Variants in PRKCA observed in about 807,000 individuals in gnomAD.
The protein encoded by PRKCA is protein kinase C alpha type.
PRKCA carries 27 observed loss-of-function variants against 87.0 expected under a neutral mutation model. That is an observed-to-expected ratio of 0.31 (90% CI 0.23 to 0.43). PRKCA has a LOEUF of 0.43. Ranked by LOEUF, PRKCA falls within the 20% of genes least tolerant of loss-of-function variation. PRKCA has a pLI of 1.00. For synonymous variants in PRKCA, 329 were observed against 311.1 expected, an observed-to-expected ratio of 1.06 and a Z score of -0.61; for missense variants, 518 against 852.3, an observed-to-expected ratio of 0.61 and a Z score of 4.88.
intron 3 of PRKCA, among the ~76,000 whole-genome samples, chr17:66,565,036 G>A (rs1968844306): frequency 1.3e-5 from 2 of 152,136 alleles, no homozygotes; most frequent in African/African-American, 4.8e-5. Flanking sequence ...AGTGGCCCAG[G>A]AAAGACAAAG....
intron 2 of PRKCA, among the ~76,000 whole-genome samples, chr17:66,335,965 C>T (rs962919923): frequency 6.6e-6 from 1 of 152,276 alleles, no homozygotes. Context: ...ACACTTCCAC[C>T]AGCAGTGTAT....
chr17:66,643,923 A>G (rs921460399), intron 4 of PRKCA, among the ~76,000 whole-genome samples: 2 of 152,232 alleles, frequency 1.3e-5, no homozygotes, highest in African/African-American at 4.8e-5. Context: ...AGAGCAAATC[A>G]GCTTCCCAAG....
At position 66,521,831 on chromosome 17, in the gene PRKCA, T is replaced by C. The variant is rs565912736; in HGVS notation, c.288+25548T>C. 2.0e-5 allele frequency among the ~76,000 whole-genome samples: 3 copies of C among 152,328 alleles called. No individual in the cohort carries two copies. The South Asian group carries it at 6.2e-4, about 32-fold the overall frequency. On this transcript the variant is annotated intron_variant, in intron 3 of 16. Transcript: ENST00000413366. Reference sequence around the variant, plus strand: ...GAAAATACGGTCAAGAATTGTTGTATTTCTTGACTCCTTGAAAGGCAAGAA... The same window carrying C: ...GAAAATACGGTCAAGAATTGTTGTACTTCTTGACTCCTTGAAAGGCAAGAA...
chr17:66,584,276 C>CAAT (rs1555622871), intron 3 of PRKCA, among the ~76,000 whole-genome samples: 2 of 151,810 alleles, frequency 1.3e-5, no homozygotes, highest in Non-Finnish European at 2.9e-5. Flanking sequence ...GGCTGGAGTG[C>CAAT]AGTGGCTTGA....
Position 66,406,339 on chromosome 17 carries a change from G to T in PRKCA, c.206-89862G>T, listed in dbSNP as rs536551262. On this transcript the variant is annotated intron_variant, in intron 2 of 16. Coordinates refer to ENST00000413366, the MANE Select transcript of PRKCA (RefSeq NM_002737.3). ...CTTGCTCTAAAAAGAAAGTTTCATT[G>T]GATGCTCTTAAAGTTCTTTATAAAA... is the stretch of plus-strand genomic sequence containing the variant. 1.3e-3 allele frequency among the ~76,000 whole-genome samples: 195 copies of T among 152,186 alleles called. 1 individual carries two copies. The highest frequency in any genetic ancestry group is 4.3e-3 in the African/African-American group (177 of 41,542).
chr17:66,657,685 G>T (rs772356280), intron 5 of PRKCA, among the ~76,000 whole-genome samples: 5 of 152,152 alleles, frequency 3.3e-5, no homozygotes, highest in Non-Finnish European at 5.9e-5. Context: ...AAAAGAGCAA[G>T]TGTATGTGCA....
intron 5 of PRKCA, among the ~76,000 whole-genome samples, chr17:66,661,382 A>G (rs1285868575): frequency 6.6e-6 from 1 of 152,234 alleles, no homozygotes; most frequent in African/African-American, 2.4e-5. Flanking sequence ...CAACACTGCC[A>G]TGAAACGTGA....
chr17:66,318,527 C>T (rs149525055), intron 2 of PRKCA, among the ~76,000 whole-genome samples: 67 of 152,038 alleles, frequency 4.4e-4, no homozygotes, highest in African/African-American at 1.4e-3. Flanking sequence ...GCTGAGTTGT[C>T]GGGCTGGAGC....
intron 13 of PRKCA, among the ~76,000 whole-genome samples, chr17:66,748,856 AAAG>A (rs1974362137): frequency 6.6e-6 from 1 of 151,982 alleles, no homozygotes; most frequent in Admixed American, 6.6e-5. Context: ...AGGGAGGGAG[AAAG>A]AAGGAATGGG....
At chr17:66,395,105 T>C (rs1910588643) in intron 2 of PRKCA, among the ~76,000 whole-genome samples, 1 of 152,158 alleles carries the variant, frequency 6.6e-6, no homozygotes, top group South Asian at 2.1e-4. Context: ...AGTTCTTCTC[T>C]CACTATGATT....
chr17:66,555,744 G>A (rs1307513445), intron 3 of PRKCA, among the ~76,000 whole-genome samples: 2 of 151,708 alleles, frequency 1.3e-5, no homozygotes, highest in African/African-American at 4.8e-5. Context: ...TTTTTTTATT[G>A]CTGAGACTTC....
chr17:66,334,594 G>C (rs75317611), intron 2 of PRKCA, among the ~76,000 whole-genome samples: 1 of 152,184 alleles, frequency 6.6e-6, no homozygotes, highest in Non-Finnish European at 1.5e-5. Context: ...TTGGATGGCC[G>C]TTAAGAGAAT....
intron 2 of PRKCA, among the ~76,000 whole-genome samples, chr17:66,407,489 T>C (rs994285221): frequency 7.9e-5 from 12 of 152,198 alleles, no homozygotes; most frequent in Non-Finnish European, 1.6e-4. Context: ...CTGGACAGCC[T>C]GCAGTACCGT....
At chr17:66,318,716 G>A (rs985932285) in intron 2 of PRKCA, among the ~76,000 whole-genome samples, 9 of 152,102 alleles carry the variant, frequency 5.9e-5, no homozygotes, top group South Asian at 2.1e-4. Context: ...TTAGCCAGGC[G>A]TGGTGGCGGG....
At chr17:66,667,455 A>G (rs1017049577) in intron 5 of PRKCA, among the ~76,000 whole-genome samples, 17 of 152,210 alleles carry the variant, frequency 1.1e-4, no homozygotes, top group Non-Finnish European at 4.4e-5. Flanking sequence ...GGAGAAGTGC[A>G]GAGTAAAGCA....
At chr17:66,506,338 A>G (rs1916978490) in intron 3 of PRKCA, among the ~76,000 whole-genome samples, 1 of 152,038 alleles carries the variant, frequency 6.6e-6, no homozygotes, top group Non-Finnish European at 1.5e-5. Context: ...CCTAGGCAAC[A>G]TAGCGAGACC....
At chr17:66,375,626 C>T (rs1283947475) in intron 2 of PRKCA, among the ~76,000 whole-genome samples, 1 of 152,148 alleles carries the variant, frequency 6.6e-6, no homozygotes, top group Non-Finnish European at 1.5e-5. Context: ...TATTAGAGTT[C>T]TGGGGGCAGT....
rs559966959 is a variant in PRKCA at position 66,328,123 on chromosome 17, C to T, written c.205+21996C>T. ...AGTCAGTGGTGATTGTAGCTCACTG[C>T]AATCTCAATCTCCTGGGCTCGGTCC... On this transcript the variant is annotated intron_variant, in intron 2 of 16. Transcript: ENST00000413366. 8.7e-4 allele frequency among the ~76,000 whole-genome samples: 133 copies of T among 152,274 alleles called. 1 individual carries two copies. The highest frequency in any genetic ancestry group is 2.9e-3 in the African/African-American group (122 of 41,558).
intron 3 of PRKCA, among the ~76,000 whole-genome samples, chr17:66,632,962 G>A (rs1971061780): frequency 6.6e-6 from 1 of 152,206 alleles, no homozygotes; most frequent in African/African-American, 2.4e-5. Context: ...CTGTATAGAT[G>A]AGTGTTATTC....
Sources: gnomAD v4.1 joint callset for allele counts (sites outside exome capture counted in the v4.1 genomes callset) on GRCh38, gnomAD v4.1.1 for gene constraint, MANE v1.5 for transcripts, NCBI Gene and HGNC (gene_info 2026-07-23, HGNC 2026-07-21) for gene names.